Variants in NKAIN2 observed in about 807,000 individuals in gnomAD.
NKAIN2 encodes the protein sodium/potassium-transporting ATPase subunit beta-1-interacting protein 2.
NKAIN2 carries 14 observed loss-of-function variants against 32.6 expected under a neutral mutation model. The observed-to-expected ratio is 0.43, with a 90% CI of 0.28 to 0.67. NKAIN2 has a LOEUF of 0.67. Ranked by LOEUF, NKAIN2 falls within the 30% of genes least tolerant of loss-of-function variation. The probability of loss-of-function intolerance (pLI) is 0.17; values close to 1 mark genes in which losing one functional copy is unlikely to be tolerated. For synonymous variants in NKAIN2, 80 were observed against 87.2 expected, an observed-to-expected ratio of 0.92 and a Z score of 0.46; for missense variants, 198 against 258.3, an observed-to-expected ratio of 0.77 and a Z score of 1.60.
At chr6:124,124,982 T>C (rs944484167) in intron 1 of NKAIN2, among the ~76,000 whole-genome samples, 11 of 152,194 alleles carry the variant, frequency 7.2e-5, no homozygotes, top group African/African-American at 2.2e-4. Flanking sequence ...ACAAATTTCA[T>C]TGTGTCACTG....
intron 5 of NKAIN2, among the ~76,000 whole-genome samples, chr6:124,802,936 C>T (rs1180432463): frequency 2.0e-5 from 3 of 152,194 alleles, no homozygotes; most frequent in Non-Finnish European, 4.4e-5. Flanking sequence ...CTTGCTTGCA[C>T]ATCACTTGTG....
intron 3 of NKAIN2, among the ~76,000 whole-genome samples, chr6:124,405,141 A>C (rs1183627501): frequency 1.3e-5 from 2 of 152,208 alleles, no homozygotes; most frequent in African/African-American, 4.8e-5. Context: ...AGAATTTTCT[A>C]ACATAAAGTA....
intron 1 of NKAIN2, among the ~76,000 whole-genome samples, chr6:124,215,424 A>C (rs1791416373): frequency 6.6e-6 from 1 of 152,176 alleles, no homozygotes; most frequent in Non-Finnish European, 1.5e-5. Context: ...TGATGGGCCC[A>C]ATCCTTATGT....
At chr6:124,561,323 A>C (rs1028920471) in intron 3 of NKAIN2, among the ~76,000 whole-genome samples, 3 of 152,174 alleles carry the variant, frequency 2.0e-5, no homozygotes, top group South Asian at 2.1e-4. Context: ...GCCATTCATC[A>C]TCTCTTTCCC....
rs202060816 is a variant in NKAIN2 at position 124,336,681 on chromosome 6, T to G, written c.193-18586T>G. 3.5e-3 allele frequency among the ~76,000 whole-genome samples: 81 copies of G among 23,210 alleles called. 3 individuals carry two copies. The highest frequency in any genetic ancestry group is 0.014 in the East Asian group (9 of 636). 15.2% of individuals were successfully genotyped at this position (23,210 alleles called of 152,430 possible). Reference sequence around the variant, plus strand: ...CTGAAATAGTTTGTTTTTTTTTGTTTGTTTTTTTTTTGAGACGGAGTCTTG... The same window carrying G: ...CTGAAATAGTTTGTTTTTTTTTGTTGGTTTTTTTTTTGAGACGGAGTCTTG... On this transcript the variant is annotated intron_variant, in intron 2 of 6. Transcript: ENST00000368417.
intron 3 of NKAIN2, among the ~76,000 whole-genome samples, chr6:124,436,597 G>T (rs1189143367): frequency 6.6e-6 from 1 of 152,030 alleles, no homozygotes; most frequent in African/African-American, 2.4e-5. Flanking sequence ...AATTTCTCTT[G>T]GTGCCTCTCT....
At chr6:124,243,237 G>A (rs1793208567) in intron 1 of NKAIN2, among the ~76,000 whole-genome samples, 1 of 151,992 alleles carries the variant, frequency 6.6e-6, no homozygotes, top group Admixed American at 6.6e-5. Flanking sequence ...GGTCACTCCT[G>A]TAATCCCAGC....
At chr6:124,230,048 TC>T (rs1792368053) in intron 1 of NKAIN2, among the ~76,000 whole-genome samples, 1 of 152,094 alleles carries the variant, frequency 6.6e-6, no homozygotes, top group Non-Finnish European at 1.5e-5. Context: ...AATTTGGAAC[TC>T]CCTAGAAACT....
intron 1 of NKAIN2, among the ~76,000 whole-genome samples, chr6:124,029,784 T>C (rs1294257441): frequency 6.6e-6 from 1 of 152,102 alleles, no homozygotes; most frequent in Non-Finnish European, 1.5e-5. Context: ...GCTTTATCTG[T>C]ATTTACAGCC....
At chr6:124,325,508 A>T (rs1028852792) in intron 2 of NKAIN2, among the ~76,000 whole-genome samples, 1 of 152,138 alleles carries the variant, frequency 6.6e-6, no homozygotes, top group African/African-American at 2.4e-5. Context: ...TGTAATACCC[A>T]TCAACTGATG....
chr6:124,713,362 T>A (rs1191196024), intron 4 of NKAIN2, among the ~76,000 whole-genome samples: 1 of 152,154 alleles, frequency 6.6e-6, no homozygotes, highest in African/African-American at 2.4e-5. Context: ...ATGGCCTGAA[T>A]TATAGTACAG....
intron 2 of NKAIN2, among the ~76,000 whole-genome samples, chr6:124,334,656 G>A (rs1182818530): frequency 1.3e-5 from 2 of 152,068 alleles, no homozygotes; most frequent in African/African-American, 4.8e-5. Context: ...TGAATCTTAG[G>A]TTTTATAATA....
intron 1 of NKAIN2, among the ~76,000 whole-genome samples, chr6:123,950,819 G>T (rs1464024821): frequency 6.6e-6 from 1 of 151,510 alleles, no homozygotes. Context: ...TTATTCTTTT[G>T]CTTCTACTAA....
At chr6:124,413,367 C>A (rs1774306262) in intron 3 of NKAIN2, among the ~76,000 whole-genome samples, 2 of 152,162 alleles carry the variant, frequency 1.3e-5, no homozygotes, top group African/African-American at 4.8e-5. Flanking sequence ...CTCCTCTGTG[C>A]CTTTGTCTAA....
chr6:123,913,443 G>A (rs1450989617), intron 1 of NKAIN2, among the ~76,000 whole-genome samples: 1 of 152,028 alleles, frequency 6.6e-6, no homozygotes, highest in Non-Finnish European at 1.5e-5. Context: ...CTGTTCTCTG[G>A]CTCTGTTTTG....
chr6:124,394,157 T>C (rs61308951), intron 3 of NKAIN2, among the ~76,000 whole-genome samples: 2,165 of 152,250 alleles, frequency 0.014, 42 homozygotes, highest in African/African-American at 0.05. Context: ...TTTATTTTAT[T>C]TGTATTTTTC....
intron 1 of NKAIN2, among the ~76,000 whole-genome samples, chr6:123,975,233 A>C (rs1231634284): frequency 1.3e-5 from 2 of 152,198 alleles, no homozygotes; most frequent in East Asian, 1.9e-4. Context: ...GGTTTGAAAG[A>C]AATATTATAA....
At chr6:123,995,444 G>A (rs999256336) in intron 1 of NKAIN2, among the ~76,000 whole-genome samples, 2 of 152,116 alleles carry the variant, frequency 1.3e-5, no homozygotes, top group Non-Finnish European at 2.9e-5. Context: ...CTTACCTAAG[G>A]GATTTCTAGT....
At chr6:124,540,417 A>G (rs1275848749) in intron 3 of NKAIN2, among the ~76,000 whole-genome samples, 1 of 152,254 alleles carries the variant, frequency 6.6e-6, no homozygotes, top group East Asian at 1.9e-4. Context: ...TTATAAAGCT[A>G]TCTTTCTCTC....
Sources: gnomAD v4.1 joint callset for allele counts (sites outside exome capture counted in the v4.1 genomes callset) on GRCh38, gnomAD v4.1.1 for gene constraint, MANE v1.5 for transcripts, NCBI Gene and HGNC (gene_info 2026-07-23, HGNC 2026-07-21) for gene names.